TRAPPC9: variants seen among roughly 807,000 people sequenced by gnomAD.
TRAPPC9 encodes IKK2 binding protein.
Under a neutral mutation model 124.0 loss-of-function variants are expected in TRAPPC9, and 83 were observed. The observed-to-expected ratio is 0.67, with a 90% confidence interval of 0.56 to 0.80. The LOEUF (loss-of-function observed/expected upper bound fraction) is 0.80. Among genes scored for constraint, TRAPPC9 ranks in the 30% least tolerant of loss-of-function variants. TRAPPC9 has a pLI of 0.00. For missense variants in TRAPPC9, 1,302 were observed against 1,508.3 expected, an observed-to-expected ratio of 0.86 and a Z score of 2.27; for synonymous variants, 638 against 617.5, an observed-to-expected ratio of 1.03 and a Z score of -0.49.
intron 21 of TRAPPC9, among the ~76,000 whole-genome samples, chr8:139,735,240 G>T (rs1033124032): frequency 2.0e-5 from 3 of 152,186 alleles, no homozygotes; most frequent in African/African-American, 7.2e-5. Flanking sequence ...CTGTAACATG[G>T]AGCCAATTCT....
In TRAPPC9 at chr8:139,780,659, A is replaced by T. The variant is rs149517066; in HGVS notation, c.3056-48457T>A. ...TACAACACCAAAGGTAGAATCAGTG[A>T]AAGAAAGAACTGGTAAGCTGGACTT... On this transcript the variant is annotated intron_variant, in intron 21 of 22. Coordinates refer to ENST00000438773, the MANE Select transcript of TRAPPC9 (RefSeq NM_001160372.4). Among the ~76,000 whole-genome samples, 177 of 152,318 alleles carry T rather than the reference A, an allele frequency of 1.2e-3. 1 individual carries two copies. Among genetic ancestry groups the T allele is most frequent in the African/African-American group, 3.9e-3 (163 of 41,582 alleles).
intron 15 of TRAPPC9, chr8:140,262,467 A>G (rs2064452746): frequency 6.6e-6 from 1 of 152,036 alleles, no homozygotes; most frequent in African/African-American, 2.4e-5. Context: ...GCGTGACCCT[A>G]GAAATGTGTA....
At chr8:140,149,883 A>G (rs1302381413) in intron 17 of TRAPPC9, among the ~76,000 whole-genome samples, 1 of 152,164 alleles carries the variant, frequency 6.6e-6, no homozygotes, top group African/African-American at 2.4e-5. Flanking sequence ...TCATGCATAC[A>G]TACATGCATG....
intron 15 of TRAPPC9, among the ~76,000 whole-genome samples, chr8:140,264,480 C>G (rs1281778939): frequency 6.6e-6 from 1 of 151,700 alleles, no homozygotes; most frequent in Non-Finnish European, 1.5e-5. Context: ...CTTTATTCAC[C>G]CGGGGAATTG....
At chr8:140,447,119 C>G (rs1188940801) in intron 2 of TRAPPC9, among the ~76,000 whole-genome samples, 1 of 152,126 alleles carries the variant, frequency 6.6e-6, no homozygotes, top group Non-Finnish European at 1.5e-5. Context: ...GGAAAACCCC[C>G]TAAAGCCGCC....
At chr8:140,060,704 G>A (rs1479253631) in intron 17 of TRAPPC9, among the ~76,000 whole-genome samples, 1 of 152,136 alleles carries the variant, frequency 6.6e-6, no homozygotes, top group African/African-American at 2.4e-5. Flanking sequence ...GTGGGTTTTG[G>A]TTTATTTCTG....
At chr8:140,079,245 C>A (rs188093981) in intron 17 of TRAPPC9, among the ~76,000 whole-genome samples, 1 of 152,294 alleles carries the variant, frequency 6.6e-6, no homozygotes, top group East Asian at 1.9e-4. Context: ...ATAAATTACT[C>A]AGTCTCGGGT....
intron 16 of TRAPPC9, among the ~76,000 whole-genome samples, chr8:140,232,012 G>A (rs1356775832): frequency 6.6e-6 from 1 of 151,930 alleles, no homozygotes; most frequent in Non-Finnish European, 1.5e-5. Context: ...GACCTCAGGT[G>A]ATCCACCTGT....
chr8:140,320,680 G>A (rs1461112775), intron 9 of TRAPPC9, among the ~76,000 whole-genome samples: 2 of 152,208 alleles, frequency 1.3e-5, no homozygotes, highest in African/African-American at 2.4e-5. Context: ...AGGCTTGAGG[G>A]TTTGTGAAGA....
intron 17 of TRAPPC9, among the ~76,000 whole-genome samples, chr8:140,043,034 C>T (rs895080707): frequency 2.0e-5 from 3 of 152,114 alleles, no homozygotes; most frequent in African/African-American, 7.2e-5. Flanking sequence ...AGAGTCAGGG[C>T]CCACCGGTCC....
chr8:140,203,508 C>T (rs2062843294), intron 17 of TRAPPC9, among the ~76,000 whole-genome samples: 1 of 152,228 alleles, frequency 6.6e-6, no homozygotes, highest in African/African-American at 2.4e-5. Flanking sequence ...AGTGACAGTG[C>T]TGAATGCTTC....
chr8:139,932,764 CA>C (rs927630989), intron 19 of TRAPPC9: 15,899 of 246,158 alleles, frequency 0.065, no homozygotes, highest in South Asian at 0.13. Flanking sequence ...ACTGTGTCTT[CA>C]AAAAAAAAAA....
chr8:140,352,573 G>A (rs548514804), intron 9 of TRAPPC9, among the ~76,000 whole-genome samples: 20 of 152,100 alleles, frequency 1.3e-4, no homozygotes, highest in South Asian at 2.1e-4. Context: ...AACATTAAAC[G>A]CGGGGGAAAC....
chr8:139,956,174 T>C (rs571626733), intron 19 of TRAPPC9, among the ~76,000 whole-genome samples: 1 of 152,130 alleles, frequency 6.6e-6, no homozygotes, highest in African/African-American at 2.4e-5. Context: ...TTTTTTCTTT[T>C]ATTTTGAGAT....
chr8:139,785,516 G>A (rs113274592), intron 21 of TRAPPC9, among the ~76,000 whole-genome samples: 1,779 of 149,192 alleles, frequency 0.012, 31 homozygotes, highest in African/African-American at 0.041. Context: ...TGGCCAACAT[G>A]GTGAAACCTC....
chr8:139,990,917 C>T (rs1004861088), intron 18 of TRAPPC9, among the ~76,000 whole-genome samples: 1 of 152,076 alleles, frequency 6.6e-6, no homozygotes, highest in Non-Finnish European at 1.5e-5. Flanking sequence ...TGTAGCACAG[C>T]GTCAACAGGG....
At chr8:140,189,125 C>G (rs2062421722) in intron 17 of TRAPPC9, among the ~76,000 whole-genome samples, 1 of 152,216 alleles carries the variant, frequency 6.6e-6, no homozygotes, top group African/African-American at 2.4e-5. Context: ...ACTAAAACTG[C>G]CTTCTGCAAA....
chr8:140,188,292 C>A (rs796186338), intron 17 of TRAPPC9, among the ~76,000 whole-genome samples: 6 of 152,270 alleles, frequency 3.9e-5, no homozygotes, highest in African/African-American at 1.4e-4. Flanking sequence ...ATAATAAAAT[C>A]AACGCACAAA....
intron 7 of TRAPPC9, among the ~76,000 whole-genome samples, chr8:140,376,553 TAAA>T (rs34319639): frequency 6.0e-5 from 3 of 49,716 alleles, no homozygotes; most frequent in Admixed American, 2.6e-4. Context: ...AGACTCCATC[TAAA>T]AAAAAAAAAA....
Sources: allele counts gnomAD v4.1 joint callset (sites outside exome capture counted in the v4.1 genomes callset), GRCh38; gene constraint gnomAD v4.1.1; transcripts MANE v1.5; gene names NCBI Gene and HGNC (gene_info 2026-07-23, HGNC 2026-07-21).